Variants in TMEM168 observed in about 807,000 individuals in gnomAD.
The protein encoded by TMEM168 is transmembrane protein 168.
A neutral mutation model predicts 53.2 loss-of-function variants in TMEM168; 40 were observed. The ratio of observed to expected loss-of-function variants is 0.75; its 90% CI spans 0.58 to 0.98. The LOEUF is 0.98. Ranked by LOEUF, TMEM168 falls within the 50% of genes least tolerant of loss-of-function variation. The pLI is 0.00. For synonymous variants in TMEM168, 282 were observed against 293.0 expected (o/e 0.96, Z 0.38); for missense variants, 771 against 828.8 (o/e 0.93, Z 0.86).
chr7:112,778,351 G>A (rs1341238662), intron 2 of TMEM168: 1 of 152,192 alleles, frequency 6.6e-6, no homozygotes, highest in Non-Finnish European at 1.5e-5. Flanking sequence ...GCACCGCATT[G>A]AGTCTTTTCA....
intron 1 of TMEM168, among the ~76,000 whole-genome samples, chr7:112,789,732 CAG>C (rs1356975552): frequency 1.3e-5 from 2 of 152,242 alleles, no homozygotes; most frequent in Admixed American, 6.5e-5. Context: ...ACTGAAAAAA[CAG>C]GGAATTTCAG....
At chr7:112,789,082 C>T (rs1793472196) in intron 1 of TMEM168, among the ~76,000 whole-genome samples, 1 of 152,160 alleles carries the variant, frequency 6.6e-6, no homozygotes, top group African/African-American at 2.4e-5. Flanking sequence ...ATTTTCCAAC[C>T]TTACTGACCT....
At chr7:112,771,129 G>T (rs1792921272) in intron 4 of TMEM168, among the ~76,000 whole-genome samples, 1 of 152,152 alleles carries the variant, frequency 6.6e-6, no homozygotes, top group Admixed American at 6.5e-5. Flanking sequence ...TCAAGTAAAT[G>T]ATTTTATAAA....
At chr7:112,788,614 G>C (rs1328272641) in intron 1 of TMEM168, 3 of 152,122 alleles carry the variant, frequency 2.0e-5, no homozygotes, top group Admixed American at 6.5e-5. Flanking sequence ...ATGATTCAAT[G>C]GACAATTATT....
In TMEM168 at chr7:112,789,114, T is replaced by A. The variant is rs574415630; in HGVS notation, c.-129+1046A>T. Among the ~76,000 whole-genome samples, 32 of 152,262 alleles carry A rather than the reference T, an allele frequency of 2.1e-4. No homozygotes were observed. The South Asian group carries it at 6.6e-3, about 32-fold the overall frequency. On this transcript the variant is annotated intron_variant, in intron 1 of 4. Transcript: ENST00000312814. ...ACCTTTCAATTACAAACTGCACAAA[T>A]GCTATTCCCTTGCCAGGTACACTCC...
intron 2 of TMEM168, among the ~76,000 whole-genome samples, chr7:112,777,549 T>C (rs1298447875): frequency 6.6e-6 from 1 of 152,168 alleles, no homozygotes; most frequent in Non-Finnish European, 1.5e-5. Context: ...CTGAGTCTTA[T>C]CCTTTCCTTC....
At chr7:112,768,650 T>C (rs907809278) in intron 4 of TMEM168, among the ~76,000 whole-genome samples, 1 of 152,166 alleles carries the variant, frequency 6.6e-6, no homozygotes, top group African/African-American at 2.4e-5. Flanking sequence ...CATTAAAATA[T>C]TCATTTTGAT....
At chr7:112,780,955 A>AAC (rs1554366854) in intron 2 of TMEM168, among the ~76,000 whole-genome samples, 3 of 151,610 alleles carry the variant, frequency 2.0e-5, no homozygotes, top group African/African-American at 7.3e-5. Flanking sequence ...AAAAAAAAAA[A>AAC]AAAAAAAAAA....
At chr7:112,776,051 T>C (rs1038688461) in intron 2 of TMEM168, among the ~76,000 whole-genome samples, 1 of 151,472 alleles carries the variant, frequency 6.6e-6, no homozygotes, top group East Asian at 2.0e-4. Flanking sequence ...CACTTGAACA[T>C]ACCTTTAGAA....
At chr7:112,788,933 A>T (rs1331307126) in intron 1 of TMEM168, among the ~76,000 whole-genome samples, 1 of 152,096 alleles carries the variant, frequency 6.6e-6, no homozygotes, top group Non-Finnish European at 1.5e-5. Flanking sequence ...TTAGCACTCC[A>T]CTATGTAAAA....
chr7:112,779,716 C>G (rs1793179000), intron 2 of TMEM168, among the ~76,000 whole-genome samples: 1 of 152,150 alleles, frequency 6.6e-6, no homozygotes, highest in African/African-American at 2.4e-5. Context: ...TATTAGATCT[C>G]TATTCAGCTG....
In TMEM168 at chr7:112,775,226, T is replaced by C. The variant is rs766029048; in HGVS notation, c.1221A>G (p.Leu407=). ...TAGCATATCCAACAGATGTTCCTCCTAAACAGTTACCCAATTCATGGAAGA... is the reference window on the plus strand; with the variant it reads ...TAGCATATCCAACAGATGTTCCTCCCAAACAGTTACCCAATTCATGGAAGA... ...HGLFHELGNC[L]GGTSVGYAIV... is the part of the protein sequence containing the mutation. Residue 407 remains leucine, a synonymous_variant, in exon 3 of 5, where the codon TTA becomes TTG. Coordinates refer to ENST00000312814, the MANE Select transcript of TMEM168 (RefSeq NM_022484.6). 1 of 1,613,780 alleles carries C rather than the reference T, an allele frequency of 6.2e-7. No individual in the cohort carries two copies. Among genetic ancestry groups the C allele is most frequent in the Admixed American group, 1.7e-5 (1 of 60,008 alleles).
Position 112,767,380 on chromosome 7 carries a change from CT to C in TMEM168, c.1910del (p.Lys637SerfsTer14). ...TACGAGGAAAGTGTAACATCCAGTGCTTGGCCACATCGCTTCCCGTTGGCAA... is the reference window on the plus strand; with the variant it reads ...TACGAGGAAAGTGTAACATCCAGTGCTGGCCACATCGCTTCCCGTTGGCAA... ...LHLPTGSDVAKHWMLHFPRIT... is the reference protein window; with the variant it reads ...LHLPTGSDVAXHWMLHFPRIT... On this transcript the variant is annotated frameshift_variant, in exon 5 of 5. Transcript: ENST00000312814. LOFTEE classifies it high-confidence loss of function. The C allele has an allele frequency of 6.2e-7, 1 of 1,614,188 alleles. No individual in the cohort carries two copies. The highest frequency in any genetic ancestry group is 1.7e-4 in the Middle Eastern group (1 of 6,060).
rs865836870 is a variant in TMEM168 at position 112,767,036 on chromosome 7, C to T, written c.*161G>A. 1.9e-5 allele frequency: 13 copies of T among 685,840 alleles called. No individual in the cohort carries two copies. The highest frequency in any genetic ancestry group is 4.1e-4 in the Middle Eastern group (1 of 2,454). The allele number at this position is 685,840 out of a possible 1,614,324, so 42.5% of individuals were successfully genotyped here. On this transcript the variant is annotated 3_prime_UTR_variant, in exon 5 of 5. Coordinates refer to ENST00000312814, the MANE Select transcript of TMEM168 (RefSeq NM_022484.6). ...TTCATTATAAAATGTTTTTTCCCAA[C>T]GCCTTATATATACCATAATTACTTA...
Position 112,772,793 on chromosome 7 carries a change from ACTCTCCTGTACCATG to A in TMEM168, c.1519_1533del (p.His507_Glu511del). ...AAGGTGAGTTTACCTGCTAGAGCCC[ACTCTCCTGTACCATG>A]GGTGTGCCCACTGTAATACAAAATA... On this transcript the variant is annotated inframe_deletion, in exon 4 of 5. Transcript: ENST00000312814. The A allele has an allele frequency of 3.1e-6, 5 of 1,611,460 alleles. No homozygotes were observed. Among genetic ancestry groups the A allele is most frequent in the Non-Finnish European group, 4.2e-6 (5 of 1,177,964 alleles).
chr7:112,784,621 TA>T lies in TMEM168; in HGVS notation c.204del (p.Phe68LeufsTer25). On this transcript the variant is annotated frameshift_variant, in exon 2 of 5. Transcript: ENST00000312814. LOFTEE classifies it high-confidence loss of function. ...ATTCCAAGAACAAAAAGACCAAGAA[TA>T]AAAATTACCAAAATTAAGGAATTTG... ...KTANSLILVI[F>X]ILGLFVLGIA... 2 of 1,612,022 alleles carry T rather than the reference TA, an allele frequency of 1.2e-6. No individual in the cohort carries two copies. The highest frequency in any genetic ancestry group is 1.7e-6 in the Non-Finnish European group (2 of 1,179,448).
chr7:112,775,411 C>T (rs1793052232), intron 2 of TMEM168, 93 bp from the exon 3 acceptor site: 11 of 1,154,746 alleles, frequency 9.5e-6, no homozygotes, highest in Non-Finnish European at 1.3e-5. Context: ...TTAGCTTCTA[C>T]TTTCAAAAAG....
At chr7:112,774,875 C>A (rs1001766737) in intron 3 of TMEM168, among the ~76,000 whole-genome samples, 2 of 151,940 alleles carry the variant, frequency 1.3e-5, no homozygotes, top group Non-Finnish European at 2.9e-5. Flanking sequence ...GCCACCACGA[C>A]CAGCCAGAGG....
intron 4 of TMEM168, among the ~76,000 whole-genome samples, chr7:112,772,266 T>C (rs1417253116): frequency 1.3e-5 from 2 of 152,112 alleles, no homozygotes; most frequent in Non-Finnish European, 2.9e-5. Context: ...GATGAGAAAA[T>C]TGAAGCCAAC....
Sources: gnomAD v4.1 joint callset for allele counts (sites outside exome capture counted in the v4.1 genomes callset) on GRCh38, gnomAD v4.1.1 for gene constraint, MANE v1.5 for transcripts, NCBI Gene and HGNC (gene_info 2026-07-23, HGNC 2026-07-21) for gene names.